CCNY: variants seen among roughly 807,000 people sequenced by gnomAD.
CCNY encodes cyclin Y.
In CCNY, 19 loss-of-function variants were observed where a neutral mutation model predicts 42.8. That is an observed-to-expected ratio of 0.44 (90% CI 0.31 to 0.65). CCNY has a LOEUF of 0.65. CCNY is among the 30% of genes least tolerant of loss of function. CCNY has a pLI of 0.07. For missense variants in CCNY, 370 were observed against 437.3 expected (o/e 0.85, Z 1.37); for synonymous variants, 165 against 162.7 (o/e 1.01, Z -0.11).
chr10:35,553,231 AC>A, intron 8 of CCNY, 46 bp downstream of exon 8: 1 of 1,588,482 alleles, frequency 6.3e-7, no homozygotes, highest in South Asian at 1.1e-5. Flanking sequence ...TCTTGGCCAG[AC>A]CATTTGGAAA....
At chr10:35,514,525 C>CA (rs1840390372) in intron 3 of CCNY, among the ~76,000 whole-genome samples, 1 of 152,280 alleles carries the variant, frequency 6.6e-6, no homozygotes, top group Admixed American at 6.5e-5. Context: ...CCTGTCAACT[C>CA]ACAAAGGTTA....
chr10:35,317,204 T>C (rs1179047221), intron 3 of CCNY, among the ~76,000 whole-genome samples: 1 of 152,160 alleles, frequency 6.6e-6, no homozygotes, highest in Non-Finnish European at 1.5e-5. Context: ...TCACCCAGGC[T>C]GGTCTCAAAC....
chr10:35,524,795 G>T (rs1156524976), intron 4 of CCNY, among the ~76,000 whole-genome samples: 1 of 152,130 alleles, frequency 6.6e-6, no homozygotes, highest in African/African-American at 2.4e-5. Context: ...TTGTTTGCTT[G>T]TTTTTTTACC....
At chr10:35,307,295 TAGAC>T (rs1230287216) in intron 3 of CCNY, among the ~76,000 whole-genome samples, 1 of 152,190 alleles carries the variant, frequency 6.6e-6, no homozygotes, top group South Asian at 2.1e-4. Context: ...GAAAACTAGT[TAGAC>T]AGATGGAACA....
At chr10:35,385,944 T>A (rs1837291348) in intron 1 of CCNY, among the ~76,000 whole-genome samples, 1 of 152,176 alleles carries the variant, frequency 6.6e-6, no homozygotes, top group Non-Finnish European at 1.5e-5. Flanking sequence ...GCTCTGAATG[T>A]CACTACATAT....
chr10:35,425,105 C>T (rs1037292329), intron 1 of CCNY, among the ~76,000 whole-genome samples: 6 of 152,188 alleles, frequency 3.9e-5, no homozygotes, highest in Non-Finnish European at 8.8e-5. Context: ...CCTGCATGCA[C>T]GGGAGACACA....
At chr10:35,292,925 A>T (rs1269776961) in intron 3 of CCNY, among the ~76,000 whole-genome samples, 2 of 151,174 alleles carry the variant, frequency 1.3e-5, no homozygotes, top group Middle Eastern at 3.4e-3. Flanking sequence ...GATTACAGAC[A>T]CCTGTTACCA....
At chr10:35,304,847 T>C (rs918662181) in intron 3 of CCNY, among the ~76,000 whole-genome samples, 2 of 152,014 alleles carry the variant, frequency 1.3e-5, no homozygotes, top group Non-Finnish European at 2.9e-5. Flanking sequence ...CACTAGGGTG[T>C]TAGGGGGAGT....
At chr10:35,380,384 C>G (rs1347929640) in intron 1 of CCNY, among the ~76,000 whole-genome samples, 2 of 152,204 alleles carry the variant, frequency 1.3e-5, no homozygotes, top group East Asian at 1.9e-4. Flanking sequence ...GGAATCCTAT[C>G]CTTCCAGTGT....
chr10:35,324,753 C>CT (rs1000349246), intron 3 of CCNY, among the ~76,000 whole-genome samples: 3 of 151,786 alleles, frequency 2.0e-5, no homozygotes, highest in Non-Finnish European at 4.4e-5. Context: ...TTTGTGCATA[C>CT]TTTTTTTTCT....
intron 1 of CCNY, among the ~76,000 whole-genome samples, chr10:35,417,330 C>T (rs574743464): frequency 1.3e-5 from 2 of 152,318 alleles, no homozygotes; most frequent in East Asian, 3.9e-4. Flanking sequence ...AGCAGAGTGG[C>T]CCAGAGCAGG....
chr10:35,301,476 A>G lies in CCNY; in HGVS notation c.-9+50850A>G, dbSNP rs917667576. ...ACTTCACTTCCATGTAGTCCATGGC[A>G]AACTGTGATAATCAATTTGCAGATG... is the stretch of plus-strand genomic sequence containing the variant. On this transcript the variant is annotated intron_variant, in intron 3 of 11. Transcript: ENST00000374706. Among the ~76,000 whole-genome samples, 8 of 152,214 alleles carry G rather than the reference A, an allele frequency of 5.3e-5. No individual in the cohort carries two copies. In the East Asian group the frequency reaches 1.3e-3, roughly 26 times the overall value.
chr10:35,266,103 A>C (rs1029421309), intron 3 of CCNY, among the ~76,000 whole-genome samples: 3 of 152,028 alleles, frequency 2.0e-5, no homozygotes, highest in African/African-American at 4.8e-5. Flanking sequence ...TTTGAGATGG[A>C]GTCTTGCTCT....
intron 3 of CCNY, among the ~76,000 whole-genome samples, chr10:35,296,503 T>C (rs1256065048): frequency 6.6e-6 from 1 of 151,768 alleles, no homozygotes; most frequent in Non-Finnish European, 1.5e-5. Flanking sequence ...ATTGCTTGAA[T>C]CCGGGAGGCA....
In CCNY at chr10:35,371,168, G is replaced by A. The variant is rs539538837; in HGVS notation, c.154+33961G>A. Among the ~76,000 whole-genome samples, 3 of 152,324 alleles carry A rather than the reference G, an allele frequency of 2.0e-5. No individual in the cohort carries two copies. The East Asian group carries it at 5.8e-4, about 29-fold the overall frequency. ...TCAAAGCAGGGACTATATGGATCAT[G>A]TTGGTAGTACCACCGCCCAGCCCAG... On this transcript the variant is annotated intron_variant, in intron 1 of 9. Coordinates refer to ENST00000374704, the MANE Select transcript of CCNY (RefSeq NM_145012.6).
intron 1 of CCNY, among the ~76,000 whole-genome samples, chr10:35,359,906 C>T (rs1053765202): frequency 2.0e-5 from 3 of 152,230 alleles, no homozygotes; most frequent in Non-Finnish European, 4.4e-5. Flanking sequence ...GTAATGTCCT[C>T]AAGGTTTATC....
intron 7 of CCNY, among the ~76,000 whole-genome samples, chr10:35,541,313 A>G (rs1238871008): frequency 6.6e-6 from 1 of 152,180 alleles, no homozygotes; most frequent in East Asian, 1.9e-4. Flanking sequence ...TTTAACATCT[A>G]TAATATTATA....
intron 1 of CCNY, among the ~76,000 whole-genome samples, chr10:35,479,769 A>T (rs1290429013): frequency 1.3e-5 from 2 of 152,050 alleles, no homozygotes; most frequent in Non-Finnish European, 1.5e-5. Flanking sequence ...AATAATAAAA[A>T]AAAAAGAAAA....
chr10:35,431,953 A>G (rs1352517119), intron 1 of CCNY, among the ~76,000 whole-genome samples: 1 of 152,160 alleles, frequency 6.6e-6, no homozygotes, highest in Non-Finnish European at 1.5e-5. Flanking sequence ...GGAAGTTTAT[A>G]AGGTATTCAG....
Sources: gnomAD v4.1 joint callset for allele counts (sites outside exome capture counted in the v4.1 genomes callset) on GRCh38, gnomAD v4.1.1 for gene constraint, MANE v1.5 for transcripts, NCBI Gene and HGNC (gene_info 2026-07-23, HGNC 2026-07-21) for gene names.